OR10H3: variants seen among roughly 807,000 people sequenced by gnomAD.
OR10H3 encodes olfactory receptor 10H3.
In OR10H3, 15 loss-of-function variants were observed where a neutral mutation model predicts 11.1. The ratio of observed to expected loss-of-function variants is 1.36; its 90% CI spans 0.91 to 2.09. The LOEUF is 2.09. Ranked by LOEUF, OR10H3 falls within the 30% of genes most tolerant of loss-of-function variation. The pLI, the probability that OR10H3 is intolerant of heterozygous loss-of-function variation, is 0.00. For synonymous variants in OR10H3, 149 were observed against 142.1 expected (o/e 1.05, Z -0.35); for missense variants, 403 against 391.5 (o/e 1.03, Z -0.25).
intron 1 of OR10H3, among the ~76,000 whole-genome samples, chr19:15,738,660 A>C (rs1441720237): frequency 1.3e-5 from 2 of 151,864 alleles, no homozygotes; most frequent in Admixed American, 1.3e-4. Context: ...TAGAGAGACG[A>C]TCTTTGACTA....
rs1271720174 is a variant in OR10H3 at position 15,742,030 on chromosome 19, T to C, written c.638T>C (p.Leu213Ser). Residue 213 changes from leucine to serine, a missense_variant, in exon 2 of 2, where the codon TTG becomes TCG. Physicochemically the swap from Leu to Ser is moderately radical, Grantham distance 145 (BLOSUM62 -2). Coordinates refer to ENST00000641646, the MANE Select transcript of OR10H3 (RefSeq NM_013938.2). ...LVCVTALIGC[L>S]FLIILSFVFI... is the part of the protein sequence containing the mutation. ...TGTGTCACAGCCCTGATAGGCTGTTTGTTCCTCATCATCCTCTCCTTTGTC... is the reference window on the plus strand; with the variant it reads ...TGTGTCACAGCCCTGATAGGCTGTTCGTTCCTCATCATCCTCTCCTTTGTC... 6.8e-6 allele frequency: 11 copies of C among 1,614,112 alleles called. No homozygotes were observed. The highest frequency in any genetic ancestry group is 1.1e-5 in the South Asian group (1 of 91,088).
In OR10H3 at chr19:15,742,098, C is replaced by T. The variant is rs115375345; in HGVS notation, c.706C>T (p.Arg236Trp). 157 of 1,613,408 alleles carry T rather than the reference C, an allele frequency of 9.7e-5. 1 individual carries two copies. The East Asian group carries it at 1.2e-3, about 13-fold the overall frequency. The change falls in exon 2 of 2, where the codon CGG becomes TGG. Residue 236 changes from arginine to tryptophan, a missense_variant. Coordinates refer to ENST00000641646, the MANE Select transcript of OR10H3 (RefSeq NM_013938.2). ...AILRIPSAEG[R>W]HKTFSTCVSH... The stretch of plus-strand genomic sequence containing the variant: ...CTTGAGGATTCCTTCTGCTGAGGGC[C>T]GGCACAAGACTTTCTCCACTTGTGT...
chr19:15,738,281 G>T (rs1340844639), intron 1 of OR10H3, among the ~76,000 whole-genome samples: 4 of 152,004 alleles, frequency 2.6e-5, no homozygotes, highest in Admixed American at 6.5e-5. Context: ...ATCGATTCCT[G>T]TGATAAATTG....
Position 15,739,024 on chromosome 19 carries a change from A to G in OR10H3, c.-12+973A>G, listed in dbSNP as rs977237475. Among the ~76,000 whole-genome samples the G allele has an allele frequency of 2.6e-5, 4 of 152,214 alleles. 1 individual carries two copies. The highest frequency in any genetic ancestry group is 1.3e-4 in the Admixed American group (2 of 15,288). On this transcript the variant is annotated intron_variant, in intron 1 of 1. Coordinates refer to ENST00000641646, the MANE Select transcript of OR10H3 (RefSeq NM_013938.2). The stretch of plus-strand genomic sequence containing the variant: ...TACTATTTTAGGTTAAAATGTTGAC[A>G]TTCAATATTTAAATTATCATTTAAT...
intron 1 of OR10H3, among the ~76,000 whole-genome samples, chr19:15,739,465 C>T (rs910444038): frequency 9.2e-5 from 14 of 151,854 alleles, no homozygotes; most frequent in South Asian, 4.2e-4. Context: ...CTGAGGTGGG[C>T]GGATCACCTG....
At chr19:15,741,085 C>G (rs1262317477) in intron 1 of OR10H3, among the ~76,000 whole-genome samples, 3 of 152,326 alleles carry the variant, frequency 2.0e-5, no homozygotes, top group Admixed American at 2.0e-4. Context: ...TCATCCATGC[C>G]TGTCTCTAAT....
In OR10H3 at chr19:15,740,290, A is replaced by G. The variant is rs997282128; in HGVS notation, c.-11-1092A>G. On this transcript the variant is annotated intron_variant, in intron 1 of 1. Transcript: ENST00000641646. ...AAAATTCACAATTAGATCAATAATAATGCTTTAATATTACTCATACGTAAT... is the reference window on the plus strand; with the variant it reads ...AAAATTCACAATTAGATCAATAATAGTGCTTTAATATTACTCATACGTAAT... Among the ~76,000 whole-genome samples the G allele has an allele frequency of 2.0e-5, 3 of 152,304 alleles. No individual in the cohort carries two copies. In the South Asian group the frequency reaches 6.2e-4, roughly 32 times the overall value.
At chr19:15,741,034 T>C (rs1301844229) in intron 1 of OR10H3, among the ~76,000 whole-genome samples, 8 of 152,170 alleles carry the variant, frequency 5.3e-5, no homozygotes, top group Non-Finnish European at 1.0e-4. Context: ...AAAATAAATG[T>C]TTTCTAGAAC....
chr19:15,741,944 C>T lies in OR10H3; in HGVS notation c.552C>T (p.Ser184=). The change falls in exon 2 of 2, where the codon TCC becomes TCT. Residue 184 remains serine, a synonymous_variant. Coordinates refer to ENST00000641646, the MANE Select transcript of OR10H3 (RefSeq NM_013938.2). The part of the protein sequence containing the change: ...VIHHFLCHVL[S]LLKLACGSKT... ...ACCATTTTCTCTGTCATGTGCTTTCCCTCTTGAAGTTGGCCTGTGGGAGCA... is the reference window on the plus strand; with the variant it reads ...ACCATTTTCTCTGTCATGTGCTTTCTCTCTTGAAGTTGGCCTGTGGGAGCA... 6 of 1,614,130 alleles carry T rather than the reference C, an allele frequency of 3.7e-6. No individual in the cohort carries two copies. Among genetic ancestry groups the T allele is most frequent in the Non-Finnish European group, 4.2e-6 (5 of 1,180,024 alleles).
At chr19:15,739,651 A>C (rs1368086718) in intron 1 of OR10H3, among the ~76,000 whole-genome samples, 1 of 152,058 alleles carries the variant, frequency 6.6e-6, no homozygotes, top group East Asian at 1.9e-4. Context: ...AGATTGAACC[A>C]TTGCACTCCA....
intron 1 of OR10H3, among the ~76,000 whole-genome samples, chr19:15,740,058 C>A (rs533970787): frequency 1.1e-4 from 15 of 141,738 alleles, no homozygotes; most frequent in Non-Finnish European, 2.1e-4. Context: ...AATTAGAGAC[C>A]AGTTTGGGCA....
intron 1 of OR10H3, 37 bp downstream of exon 1, chr19:15,738,088 T>G (rs1450018403): frequency 6.5e-6 from 1 of 152,680 alleles, no homozygotes; most frequent in East Asian, 1.9e-4. Flanking sequence ...TCTAAAGTGA[T>G]GCATGGAAAA....
intron 1 of OR10H3, among the ~76,000 whole-genome samples, chr19:15,738,833 CTG>C (rs1367983043): frequency 1.3e-5 from 2 of 151,832 alleles, no homozygotes; most frequent in Non-Finnish European, 2.9e-5. Context: ...TCAATTATCT[CTG>C]TAATTATTTC....
chr19:15,739,373 G>A (rs57202025), intron 1 of OR10H3, among the ~76,000 whole-genome samples: 1,644 of 152,164 alleles, frequency 0.011, 20 homozygotes, highest in African/African-American at 0.037. Flanking sequence ...TTGCATTTCT[G>A]AACTCTGTTA....
chr19:15,740,789 T>C (rs2144892902), intron 1 of OR10H3, among the ~76,000 whole-genome samples: 1 of 152,352 alleles, frequency 6.6e-6, no homozygotes, highest in Admixed American at 6.5e-5. Context: ...ATTCCACTTT[T>C]TTATTAAGGT....
Position 15,741,953 on chromosome 19 carries a change from G to T in OR10H3, c.561G>T (p.Lys187Asn), listed in dbSNP as rs1349290677. 1 of 1,614,062 alleles carries T rather than the reference G, an allele frequency of 6.2e-7. No homozygotes were observed. The highest frequency in any genetic ancestry group is 8.5e-7 in the Non-Finnish European group (1 of 1,180,044). The stretch of plus-strand genomic sequence containing the variant: ...TCTGTCATGTGCTTTCCCTCTTGAA[G>T]TTGGCCTGTGGGAGCAAGACATCAT... ...HFLCHVLSLL[K>N]LACGSKTSSV... Residue 187 changes from lysine (K) to asparagine (N), a missense_variant, in exon 2 of 2, where the codon AAG (lysine) becomes AAT (asparagine). Transcript: ENST00000641646.
chr19:15,741,518 C>A lies in OR10H3; in HGVS notation c.126C>A (p.Gly42=), dbSNP rs746048031. Residue 42 remains glycine, a synonymous_variant, in exon 2 of 2, where the codon GGC becomes GGA. Coordinates refer to ENST00000641646, the MANE Select transcript of OR10H3 (RefSeq NM_013938.2). ...TGATGTTCCTGTTCACATTGCTTGGCAACCTTCTTATCATGGCCACAGTTT... is the reference window on the plus strand; with the variant it reads ...TGATGTTCCTGTTCACATTGCTTGGAAACCTTCTTATCATGGCCACAGTTT... ...YLLMFLFTLL[G]NLLIMATVWI... is the part of the protein sequence containing the mutation. 6.2e-7 allele frequency: 1 copy of A among 1,614,196 alleles called. No individual in the cohort carries two copies. Among genetic ancestry groups the A allele is most frequent in the Non-Finnish European group, 8.5e-7 (1 of 1,180,020 alleles).
chr19:15,740,304 C>G (rs1226023303), intron 1 of OR10H3, among the ~76,000 whole-genome samples: 2 of 152,126 alleles, frequency 1.3e-5, no homozygotes, highest in Non-Finnish European at 2.9e-5. Context: ...TTTAATATTA[C>G]TCATACGTAA....
In OR10H3 at chr19:15,741,850, G is replaced by C. The variant is rs1282034514; in HGVS notation, c.458G>C (p.Gly153Ala). The C allele has an allele frequency of 3.7e-6, 6 of 1,614,164 alleles. No individual in the cohort carries two copies. The highest frequency in any genetic ancestry group is 5.1e-6 in the Non-Finnish European group (6 of 1,180,034). ...AHLVAWTWAGGSVMGMMVTMM... is the reference protein window; with the variant it reads ...AHLVAWTWAGASVMGMMVTMM... The stretch of plus-strand genomic sequence containing the variant: ...CTTGTGGCCTGGACCTGGGCTGGTG[G>C]CTCGGTCATGGGGATGATGGTGACA... The change falls in exon 2 of 2, where the codon GGC (glycine) becomes GCC (alanine). Residue 153 changes from glycine to alanine, a missense_variant. Gly to Ala is a moderately conservative substitution (Grantham distance 60). Coordinates refer to ENST00000641646, the MANE Select transcript of OR10H3 (RefSeq NM_013938.2).
Sources: allele counts gnomAD v4.1 joint callset (sites outside exome capture counted in the v4.1 genomes callset), GRCh38; gene constraint gnomAD v4.1.1; transcripts MANE v1.5; gene names NCBI Gene and HGNC (gene_info 2026-07-23, HGNC 2026-07-21).